The following THSD7A variants were observed in gnomAD, a reference collection of about 807,000 sequenced individuals.
The protein encoded by THSD7A is thrombospondin type-1 domain-containing protein 7A.
THSD7A carries 96 observed loss-of-function variants against 231.3 expected under a neutral mutation model. That is an observed-to-expected ratio of 0.41 (90% CI 0.35 to 0.49). THSD7A has a LOEUF of 0.49. Among genes scored for constraint, THSD7A ranks in the 20% least tolerant of loss-of-function variants. The pLI is 0.05. For synonymous variants in THSD7A, 940 were observed against 743.3 expected (o/e 1.26, Z -4.30); for missense variants, 2,290 against 2,070.2 (o/e 1.11, Z -2.06).
At chr7:11,623,288 G>A (rs190295833) in intron 2 of THSD7A, among the ~76,000 whole-genome samples, 1 of 152,170 alleles carries the variant, frequency 6.6e-6, no homozygotes, top group African/African-American at 2.4e-5. Flanking sequence ...CACTTAGGGC[G>A]GAACTAGGAA....
chr7:11,643,150 T>C (rs575535740), intron 1 of THSD7A, among the ~76,000 whole-genome samples: 9 of 152,120 alleles, frequency 5.9e-5, no homozygotes, highest in Non-Finnish European at 8.8e-5. Context: ...TGACTAAATA[T>C]GTTTGCATCC....
intron 26 of THSD7A, chr7:11,378,589 G>A (rs1782375184): frequency 6.3e-6 from 1 of 159,180 alleles, no homozygotes. Flanking sequence ...CTGACTTTTA[G>A]GGCTAATAGA....
chr7:11,611,848 A>ATCTATCTG (rs1780942179), intron 2 of THSD7A, among the ~76,000 whole-genome samples: 1 of 137,538 alleles, frequency 7.3e-6, no homozygotes, highest in Admixed American at 7.1e-5. Flanking sequence ...CTGTCTATCT[A>ATCTATCTG]TCTATCTATC....
intron 6 of THSD7A, among the ~76,000 whole-genome samples, chr7:11,511,929 C>T (rs544597046): frequency 6.6e-6 from 1 of 152,152 alleles, no homozygotes; most frequent in Non-Finnish European, 1.5e-5. Flanking sequence ...CCAAAATTGA[C>T]AAATGGGATC....
chr7:11,413,938 C>T (rs903500724), intron 17 of THSD7A: 1 of 152,378 alleles, frequency 6.6e-6, no homozygotes, highest in South Asian at 2.1e-4. Context: ...AGCACCCATT[C>T]CCTGGCAGTC....
chr7:11,762,387 C>T (rs1007573580), intron 1 of THSD7A, among the ~76,000 whole-genome samples: 1 of 152,038 alleles, frequency 6.6e-6, no homozygotes, highest in Non-Finnish European at 1.5e-5. Flanking sequence ...TCTTATTCAT[C>T]CTAGCTATGA....
At chr7:11,553,439 G>A (rs10275260) in intron 4 of THSD7A, among the ~76,000 whole-genome samples, 9,481 of 152,122 alleles carry the variant, frequency 0.062, 1,021 homozygotes, top group African/African-American at 0.21. Context: ...GTAATTCAGT[G>A]AATGAAGTAA....
intron 1 of THSD7A, among the ~76,000 whole-genome samples, chr7:11,816,209 G>T (rs1202343455): frequency 1.3e-5 from 2 of 152,132 alleles, no homozygotes; most frequent in Non-Finnish European, 2.9e-5. Context: ...CACAGACCTT[G>T]CCATAAAATA....
At chr7:11,793,525 A>C (rs542756201) in intron 1 of THSD7A, among the ~76,000 whole-genome samples, 4 of 149,490 alleles carry the variant, frequency 2.7e-5, no homozygotes, top group African/African-American at 9.9e-5. Context: ...TTAGAAATAC[A>C]ATCTTAGAAA....
chr7:11,574,466 G>A (rs956612289), intron 4 of THSD7A, among the ~76,000 whole-genome samples: 7 of 141,812 alleles, frequency 4.9e-5, no homozygotes, highest in Non-Finnish European at 6.0e-5. Flanking sequence ...ACAGAGTTTC[G>A]CTCTGTCGCC....
intron 1 of THSD7A, among the ~76,000 whole-genome samples, chr7:11,670,246 G>T (rs780519951): frequency 4.6e-5 from 7 of 152,172 alleles, no homozygotes; most frequent in Admixed American, 6.5e-5. Flanking sequence ...ATTCTGGAGA[G>T]CCTGGAAGGC....
At chr7:11,562,705 G>T (rs1348744669) in intron 4 of THSD7A, among the ~76,000 whole-genome samples, 1 of 151,994 alleles carries the variant, frequency 6.6e-6, no homozygotes, top group Non-Finnish European at 1.5e-5. Context: ...GTTACAAATG[G>T]CTTTCTGTTC....
chr7:11,498,405 C>T (rs987599911), intron 6 of THSD7A, among the ~76,000 whole-genome samples: 2 of 152,132 alleles, frequency 1.3e-5, no homozygotes, highest in Non-Finnish European at 2.9e-5. Flanking sequence ...CCTCTTCCTC[C>T]TCACTGGGTG....
Position 11,571,883 on chromosome 7 carries a change from C to T in THSD7A, c.1453+18577G>A, listed in dbSNP as rs191014966. On this transcript the variant is annotated intron_variant, in intron 4 of 27. Transcript: ENST00000423059. The stretch of plus-strand genomic sequence containing the variant: ...AGTATAGGGTATTTTTGCTGTTGTC[C>T]TCTTTGTATTTATTCTGCTGGTGGT... 3.9e-3 allele frequency among the ~76,000 whole-genome samples: 587 copies of T among 150,974 alleles called. 12 individuals carry two copies. The highest frequency in any genetic ancestry group is 7.7e-4 in the Non-Finnish European group (52 of 67,756).
intron 24 of THSD7A, 132 bp from the exon 25 acceptor site, chr7:11,379,844 T>C: frequency 9.1e-6 from 9 of 987,058 alleles, no homozygotes; most frequent in Middle Eastern, 2.4e-4. Context: ...AGTGGTTGAC[T>C]GTGAAATATT....
chr7:11,786,182 G>A (rs1475271363), intron 1 of THSD7A, among the ~76,000 whole-genome samples: 2 of 151,094 alleles, frequency 1.3e-5, no homozygotes, highest in Non-Finnish European at 2.9e-5. Context: ...TCCCAGCACT[G>A]TGGCAGACAC....
intron 4 of THSD7A, among the ~76,000 whole-genome samples, chr7:11,586,559 T>C (rs1286674206): frequency 6.6e-6 from 1 of 152,216 alleles, no homozygotes; most frequent in Non-Finnish European, 1.5e-5. Context: ...CAACACACTC[T>C]GATATTTACT....
chr7:11,705,700 C>A (rs369064853), intron 1 of THSD7A, among the ~76,000 whole-genome samples: 3 of 150,962 alleles, frequency 2.0e-5, no homozygotes, highest in African/African-American at 7.3e-5. Flanking sequence ...AGTGGGCAAA[C>A]GATTCTTTAG....
At chr7:11,592,526 A>C (rs777634019) in intron 3 of THSD7A, among the ~76,000 whole-genome samples, 1 of 152,198 alleles carries the variant, frequency 6.6e-6, no homozygotes, top group Non-Finnish European at 1.5e-5. Context: ...CATACTGCCA[A>C]ATGTTTCAGA....
Sources: gnomAD v4.1 joint callset for allele counts (sites outside exome capture counted in the v4.1 genomes callset) on GRCh38, gnomAD v4.1.1 for gene constraint, MANE v1.5 for transcripts, NCBI Gene and HGNC (gene_info 2026-07-23, HGNC 2026-07-21) for gene names.